Variants in CDYL2 observed in about 807,000 individuals in gnomAD.
The protein encoded by CDYL2 is chromodomain Y like 2, also known as chromodomain Y-like protein 2.
Under a neutral mutation model 49.4 loss-of-function variants are expected in CDYL2, and 23 were observed. The ratio of observed to expected loss-of-function variants is 0.47; its 90% CI spans 0.34 to 0.66. CDYL2 has a LOEUF of 0.66. CDYL2 is among the 30% of genes least tolerant of loss of function. The probability of loss-of-function intolerance (pLI) is 0.01; values close to 1 mark genes in which losing one functional copy is unlikely to be tolerated. For synonymous variants in CDYL2, 360 were observed against 268.8 expected, an observed-to-expected ratio of 1.34 and a Z score of -3.32; for missense variants, 678 against 656.4, an observed-to-expected ratio of 1.03 and a Z score of -0.36.
intron 1 of CDYL2, among the ~76,000 whole-genome samples, chr16:80,715,261 C>T (rs757221856): frequency 6.6e-6 from 1 of 152,120 alleles, no homozygotes; most frequent in Non-Finnish European, 1.5e-5. Flanking sequence ...GTTCTGTGTC[C>T]TTGGCACTGG....
intron 1 of CDYL2, among the ~76,000 whole-genome samples, chr16:80,713,861 G>A (rs916086801): frequency 2.6e-5 from 4 of 152,114 alleles, no homozygotes; most frequent in African/African-American, 7.2e-5. Flanking sequence ...AAGCCCTCAC[G>A]GAGAGACTAC....
intron 2 of CDYL2, among the ~76,000 whole-genome samples, chr16:80,674,166 G>A (rs1016569612): frequency 1.3e-5 from 2 of 152,152 alleles, no homozygotes; most frequent in African/African-American, 4.8e-5. Context: ...AGAGTACCTC[G>A]ATTTCCCACA....
chr16:80,681,830 A>G (rs1043987068), intron 2 of CDYL2, among the ~76,000 whole-genome samples: 6 of 152,338 alleles, frequency 3.9e-5, no homozygotes, highest in South Asian at 2.1e-4. Context: ...GAGGGAAGCT[A>G]TAAGTTTCAG....
chr16:80,797,629 C>G (rs758055128), intron 1 of CDYL2, among the ~76,000 whole-genome samples: 1 of 152,156 alleles, frequency 6.6e-6, no homozygotes, highest in Admixed American at 6.5e-5. Context: ...AACCCTGGTA[C>G]TGCCTAACTC....
In CDYL2 at chr16:80,738,397, A is replaced by AT. The variant is rs59849412; in HGVS notation, c.25-53269dup. ...GTATATACCCAGTAATCCCATGTCT[A>AT]TTTTTTTTTTAAAAAAAGGAATTTT... is the stretch of plus-strand genomic sequence containing the variant. On this transcript the variant is annotated intron_variant, in intron 1 of 6. Coordinates refer to ENST00000570137, the MANE Select transcript of CDYL2 (RefSeq NM_152342.4). 8.6e-5 allele frequency among the ~76,000 whole-genome samples: 13 copies of AT among 150,730 alleles called. 1 individual carries two copies. Among genetic ancestry groups the AT allele is most frequent in the East Asian group, 3.9e-4 (2 of 5,134 alleles).
chr16:80,769,333 T>C (rs1373994967), intron 1 of CDYL2, among the ~76,000 whole-genome samples: 1 of 152,246 alleles, frequency 6.6e-6, no homozygotes, highest in Non-Finnish European at 1.5e-5. Context: ...ATGGAGGTGA[T>C]GCTGAAAGCC....
At chr16:80,799,118 CAT>C (rs544417929) in intron 1 of CDYL2, among the ~76,000 whole-genome samples, 101 of 151,942 alleles carry the variant, frequency 6.6e-4, no homozygotes, top group African/African-American at 2.2e-3. Flanking sequence ...ATTACATAAA[CAT>C]GTGTAGAAAA....
At chr16:80,763,267 TGG>T (rs1170839901) in intron 1 of CDYL2, among the ~76,000 whole-genome samples, 4 of 1,104 alleles carry the variant, frequency 3.6e-3, no homozygotes, top group African/African-American at 0.012. Flanking sequence ...GAATCAACTG[TGG>T]CTACTCAACA....
At chr16:80,802,717 C>T (rs1335802166) in intron 1 of CDYL2, among the ~76,000 whole-genome samples, 1 of 152,182 alleles carries the variant, frequency 6.6e-6, no homozygotes, top group African/African-American at 2.4e-5. Context: ...TTCACAAGAA[C>T]ATGGTCACAC....
chr16:80,618,600 G>C (rs896564307), intron 4 of CDYL2, among the ~76,000 whole-genome samples: 2 of 152,190 alleles, frequency 1.3e-5, no homozygotes, highest in Non-Finnish European at 2.9e-5. Context: ...TTTCTGTTCA[G>C]CTTCCATCCC....
chr16:80,602,278 A>C lies in CDYL2; in HGVS notation c.*2110T>G, dbSNP rs924833693. ...AGTAACTCCCTGTAGGACAGGTCCG[A>C]AGTCCTTACAGGATCCTACATGGAC... On this transcript the variant is annotated 3_prime_UTR_variant, in exon 7 of 7. Transcript: ENST00000570137. 2 of 152,214 alleles carry C rather than the reference A, an allele frequency of 1.3e-5. No individual in the cohort carries two copies. Among genetic ancestry groups the C allele is most frequent in the African/African-American group, 4.8e-5 (2 of 41,450 alleles). The allele number at this position is 152,214 out of a possible 1,614,324, so 9.4% of individuals were successfully genotyped here.
At chr16:80,760,640 TAAAAAG>T (rs1338010326) in intron 1 of CDYL2, among the ~76,000 whole-genome samples, 1 of 152,070 alleles carries the variant, frequency 6.6e-6, no homozygotes, top group Non-Finnish European at 1.5e-5. Flanking sequence ...ATTAAAAATT[TAAAAAG>T]AAAAACAGTG....
intron 1 of CDYL2, among the ~76,000 whole-genome samples, chr16:80,773,257 G>C (rs896064733): frequency 1.3e-5 from 2 of 152,084 alleles, no homozygotes; most frequent in African/African-American, 2.4e-5. Context: ...ACACAGAAAA[G>C]TTATAATTGT....
Position 80,612,628 on chromosome 16 carries a change from GC to G in CDYL2, c.1215del (p.Leu406TrpfsTer51). ...SYTFPQILGVALANEMLFCGR... is the reference protein window; with the variant it reads ...SYTFPQILGVXLANEMLFCGR... Reference sequence around the variant, plus strand: ...TCCAGGTATCACAGGAGGCTTACCAGCGCGACGCCCAGGATCTGGGGGAAGG... The same window carrying G: ...TCCAGGTATCACAGGAGGCTTACCAGGCGACGCCCAGGATCTGGGGGAAGG... On this transcript the variant is annotated frameshift_variant, in exon 5 of 7. Coordinates refer to ENST00000570137, the MANE Select transcript of CDYL2 (RefSeq NM_152342.4). LOFTEE classifies it high-confidence loss of function. The surrounding 1 kb of genome is among the most constrained non-coding windows in gnomAD (Gnocchi z 5.0). 1 of 1,604,710 alleles carries G rather than the reference GC, an allele frequency of 6.2e-7. No homozygotes were observed. Among genetic ancestry groups the G allele is most frequent in the Non-Finnish European group, 8.5e-7 (1 of 1,175,516 alleles).
At chr16:80,729,147 C>T (rs1224914346) in intron 1 of CDYL2, among the ~76,000 whole-genome samples, 1 of 152,166 alleles carries the variant, frequency 6.6e-6, no homozygotes, top group Non-Finnish European at 1.5e-5. Flanking sequence ...TTAAAAGACA[C>T]ACACTGGCAA....
chr16:80,792,318 G>C (rs1233884211), intron 1 of CDYL2, among the ~76,000 whole-genome samples: 1 of 152,176 alleles, frequency 6.6e-6, no homozygotes, highest in African/African-American at 2.4e-5. Flanking sequence ...TTAAGGAACA[G>C]GCAGCAGGAG....
intron 2 of CDYL2, among the ~76,000 whole-genome samples, chr16:80,675,205 T>C (rs1282999703): frequency 3.9e-5 from 6 of 152,204 alleles, no homozygotes; most frequent in East Asian, 3.8e-4. Context: ...AGTACCTTTC[T>C]TCATTTACAA....
At chr16:80,617,968 TGG>T (rs1906905653) in intron 4 of CDYL2, among the ~76,000 whole-genome samples, 1 of 152,124 alleles carries the variant, frequency 6.6e-6, no homozygotes, top group Admixed American at 6.5e-5. Context: ...CAGAGTCCCC[TGG>T]GGGTGTTGCC....
At chr16:80,784,219 T>C (rs985713884) in intron 1 of CDYL2, among the ~76,000 whole-genome samples, 15 of 152,208 alleles carry the variant, frequency 9.9e-5, no homozygotes, top group African/African-American at 3.4e-4. Context: ...CCTTTCATTT[T>C]GTTGTTCTCT....
Sources: allele counts gnomAD v4.1 joint callset (sites outside exome capture counted in the v4.1 genomes callset), GRCh38; gene constraint gnomAD v4.1.1; non-coding constraint Gnocchi (gnomAD v3.1); transcripts MANE v1.5; gene names NCBI Gene and HGNC (gene_info 2026-07-23, HGNC 2026-07-21).